The following NRG3 variants were observed in gnomAD, a reference collection of about 807,000 sequenced individuals.
NRG3 encodes the protein pro-neuregulin-3, membrane-bound isoform.
In NRG3, 31 loss-of-function variants were observed where a neutral mutation model predicts 66.9. The ratio of observed to expected loss-of-function variants is 0.46; its 90% CI spans 0.35 to 0.63. The LOEUF (loss-of-function observed/expected upper bound fraction) is 0.63, where lower values mean the gene tolerates loss of function less well. NRG3 is among the 20% of genes least tolerant of loss of function. The pLI is 0.00. For missense variants in NRG3, 910 were observed against 878.9 expected, an observed-to-expected ratio of 1.04 and a Z score of -0.45; for synonymous variants, 393 against 359.4, an observed-to-expected ratio of 1.09 and a Z score of -1.06.
intron 1 of NRG3, among the ~76,000 whole-genome samples, chr10:82,341,614 T>G (rs1177267893): frequency 6.6e-6 from 1 of 152,088 alleles, no homozygotes; most frequent in Non-Finnish European, 1.5e-5. Context: ...GTTTTATTTT[T>G]ATAGATTTAG....
chr10:82,261,092 G>T (rs1160507420), intron 1 of NRG3, among the ~76,000 whole-genome samples: 1 of 152,034 alleles, frequency 6.6e-6, no homozygotes, highest in African/African-American at 2.4e-5. Context: ...ATATGGTTTG[G>T]CTGTGTCCCC....
intron 4 of NRG3, among the ~76,000 whole-genome samples, chr10:82,917,988 A>C (rs1052078087): frequency 5.5e-4 from 71 of 128,014 alleles, no homozygotes; most frequent in Middle Eastern, 4.2e-3. Flanking sequence ...ATATATATAT[A>C]TATATGTATG....
chr10:82,542,723 G>C (rs1009730842), intron 2 of NRG3, among the ~76,000 whole-genome samples: 1 of 152,152 alleles, frequency 6.6e-6, no homozygotes, highest in Non-Finnish European at 1.5e-5. Context: ...AGGCATAAAA[G>C]CTGAATATAA....
chr10:82,377,047 G>A (rs1198601983), intron 2 of NRG3, among the ~76,000 whole-genome samples: 1 of 152,148 alleles, frequency 6.6e-6, no homozygotes, highest in South Asian at 2.1e-4. Flanking sequence ...TTGAATATGT[G>A]TAAGCTTGCC....
At chr10:82,362,734 A>G (rs889800373) in intron 2 of NRG3, among the ~76,000 whole-genome samples, 2 of 151,678 alleles carry the variant, frequency 1.3e-5, no homozygotes, top group African/African-American at 4.8e-5. Flanking sequence ...ATTAGTGAAA[A>G]CAGATTGTGG....
chr10:82,780,480 C>T (rs113787123), intron 3 of NRG3, among the ~76,000 whole-genome samples: 906 of 104,946 alleles, frequency 8.6e-3, no homozygotes, highest in Non-Finnish European at 9.4e-3. Context: ...TTTTTCTTTT[C>T]TTTTTTTTTT....
intron 2 of NRG3, among the ~76,000 whole-genome samples, chr10:82,494,765 TG>T (rs1843462848): frequency 6.6e-6 from 1 of 152,100 alleles, no homozygotes; most frequent in African/African-American, 2.4e-5. Flanking sequence ...TGTGGTGACT[TG>T]CTACTAAACT....
chr10:82,509,845 C>G (rs1168254243), intron 2 of NRG3, among the ~76,000 whole-genome samples: 1 of 152,180 alleles, frequency 6.6e-6, no homozygotes, highest in African/African-American at 2.4e-5. Context: ...CCTTTCTTAG[C>G]TCATATGCTG....
intron 1 of NRG3, among the ~76,000 whole-genome samples, chr10:82,012,491 G>T (rs1397713350): frequency 6.6e-6 from 1 of 152,164 alleles, no homozygotes; most frequent in Admixed American, 6.5e-5. Flanking sequence ...TTCTCAGCTG[G>T]CTTGAATTTC....
intron 2 of NRG3, among the ~76,000 whole-genome samples, chr10:82,480,332 T>C (rs1426602547): frequency 6.6e-6 from 1 of 152,184 alleles, no homozygotes; most frequent in Non-Finnish European, 1.5e-5. Context: ...ATTGCACACA[T>C]TCAACAGGTG....
At chr10:82,913,024 G>C (rs912135342) in intron 4 of NRG3, among the ~76,000 whole-genome samples, 1 of 152,122 alleles carries the variant, frequency 6.6e-6, no homozygotes, top group African/African-American at 2.4e-5. Flanking sequence ...AGGAGATCGA[G>C]ACCATCCTGG....
intron 1 of NRG3, among the ~76,000 whole-genome samples, chr10:81,887,374 GTATTGC>G (rs1457897396): frequency 1.3e-5 from 2 of 152,076 alleles, no homozygotes; most frequent in African/African-American, 4.8e-5. Context: ...AGTCTTAGTA[GTATTGC>G]TATACAAGGA....
intron 1 of NRG3, among the ~76,000 whole-genome samples, chr10:81,957,965 C>G (rs1474576786): frequency 2.6e-5 from 4 of 152,326 alleles, no homozygotes; most frequent in South Asian, 4.1e-4. Context: ...AGTGAGGGCA[C>G]TGCCACATTT....
intron 2 of NRG3, among the ~76,000 whole-genome samples, chr10:82,557,075 A>G (rs762237750): frequency 1.2e-4 from 19 of 152,140 alleles, no homozygotes; most frequent in Non-Finnish European, 2.6e-4. Flanking sequence ...TGTCTTTGCT[A>G]TTGTGAGTAA....
intron 2 of NRG3, among the ~76,000 whole-genome samples, chr10:82,690,231 A>G (rs887699963): frequency 1.3e-5 from 2 of 152,048 alleles, no homozygotes; most frequent in Non-Finnish European, 2.9e-5. Flanking sequence ...TAGAGAGAAA[A>G]TTTAAATTTC....
chr10:82,022,555 C>A (rs557698191), intron 1 of NRG3, among the ~76,000 whole-genome samples: 1 of 152,132 alleles, frequency 6.6e-6, no homozygotes, highest in East Asian at 1.9e-4. Flanking sequence ...TGTGGTGTTT[C>A]TTCATTATTG....
At chr10:82,349,414 C>T (rs1241068826) in intron 1 of NRG3, among the ~76,000 whole-genome samples, 15 of 151,026 alleles carry the variant, frequency 9.9e-5, no homozygotes, top group African/African-American at 3.2e-4. Flanking sequence ...AGGAGGCAGT[C>T]TGCCCGTTCT....
intron 1 of NRG3, among the ~76,000 whole-genome samples, chr10:82,192,539 C>T (rs1030577407): frequency 1.3e-5 from 2 of 152,118 alleles, no homozygotes; most frequent in Non-Finnish European, 2.9e-5. Flanking sequence ...GACCTGTGGA[C>T]ACATTTGGTG....
At chr10:81,950,109 G>A (rs1589567063) in intron 1 of NRG3, among the ~76,000 whole-genome samples, 2 of 152,180 alleles carry the variant, frequency 1.3e-5, no homozygotes, top group African/African-American at 4.8e-5. Flanking sequence ...GTTTCTGGGA[G>A]CCATACAGAT....
Sources: allele counts gnomAD v4.1 joint callset (sites outside exome capture counted in the v4.1 genomes callset), GRCh38; gene constraint gnomAD v4.1.1; transcripts MANE v1.5; gene names NCBI Gene and HGNC (gene_info 2026-07-23, HGNC 2026-07-21).